Variants in CADM2 observed in about 807,000 individuals in gnomAD.
CADM2 encodes the protein cell adhesion molecule 2, also known as immunoglobulin superfamily member 4D.
CADM2 carries 12 observed loss-of-function variants against 49.8 expected under a neutral mutation model. The ratio of observed to expected loss-of-function variants is 0.24; its 90% CI spans 0.15 to 0.39. CADM2 has a LOEUF of 0.39. Ranked by LOEUF, CADM2 falls within the 10% of genes least tolerant of loss-of-function variation. The pLI, the probability that CADM2 is intolerant of heterozygous loss-of-function variation, is 1.00. For synonymous variants in CADM2, 214 were observed against 175.4 expected (o/e 1.22, Z -1.74); for missense variants, 378 against 492.3 (o/e 0.77, Z 2.20).
At chr3:85,452,236 A>C (rs1576581690) in intron 1 of CADM2, among the ~76,000 whole-genome samples, 1 of 152,202 alleles carries the variant, frequency 6.6e-6, no homozygotes, top group East Asian at 1.9e-4. Flanking sequence ...GGCATTTCGG[A>C]TTCTTTGCCC....
intron 1 of CADM2, among the ~76,000 whole-genome samples, chr3:84,964,668 T>C (rs1463360489): frequency 6.6e-6 from 1 of 152,140 alleles, no homozygotes; most frequent in Non-Finnish European, 1.5e-5. Flanking sequence ...TTGGTCTGAT[T>C]TACTCTCTTA....
At chr3:85,824,844 G>GA (rs958937261) in intron 3 of CADM2, among the ~76,000 whole-genome samples, 2 of 151,880 alleles carry the variant, frequency 1.3e-5, no homozygotes, top group African/African-American at 4.8e-5. Context: ...AGGCAGCTGT[G>GA]AAAAAACTAA....
intron 1 of CADM2, among the ~76,000 whole-genome samples, chr3:85,198,101 T>G (rs2041390209): frequency 6.6e-6 from 1 of 151,914 alleles, no homozygotes; most frequent in Non-Finnish European, 1.5e-5. Context: ...TTTAAAATAT[T>G]AGTATAGTGT....
At chr3:85,652,762 T>TTTTTC (rs56864888) in intron 1 of CADM2, among the ~76,000 whole-genome samples, 2,776 of 135,194 alleles carry the variant, frequency 0.021, 290 homozygotes, top group African/African-American at 0.083. Context: ...TGAAAATCTT[T>TTTTTC]TTTTCTTTTC....
chr3:85,160,078 G>T (rs1229892663), intron 1 of CADM2, among the ~76,000 whole-genome samples: 1 of 152,080 alleles, frequency 6.6e-6, no homozygotes, highest in South Asian at 2.1e-4. Flanking sequence ...AGGGGAGAGG[G>T]TTGGTAGCTA....
intron 1 of CADM2, among the ~76,000 whole-genome samples, chr3:85,187,975 T>C (rs2041104507): frequency 6.6e-6 from 1 of 152,054 alleles, no homozygotes; most frequent in Non-Finnish European, 1.5e-5. Flanking sequence ...TTACAGTTGA[T>C]GCTATCTTAG....
intron 1 of CADM2, among the ~76,000 whole-genome samples, chr3:85,696,946 T>C (rs2066576460): frequency 6.6e-6 from 1 of 151,768 alleles, no homozygotes; most frequent in South Asian, 2.1e-4. Flanking sequence ...CTTTAGAAAA[T>C]ATTTTCATAA....
chr3:85,422,818 G>C (rs1037152961), intron 1 of CADM2, among the ~76,000 whole-genome samples: 1 of 151,802 alleles, frequency 6.6e-6, no homozygotes, highest in Non-Finnish European at 1.5e-5. Context: ...ACAGGAGCTG[G>C]GGCGAGCGCT....
intron 1 of CADM2, among the ~76,000 whole-genome samples, chr3:85,193,292 GTCTT>G (rs1315715730): frequency 6.6e-6 from 1 of 151,900 alleles, no homozygotes; most frequent in Non-Finnish European, 1.5e-5. Context: ...CTTTATGTGT[GTCTT>G]TATGCTGATG....
At chr3:85,671,056 G>T (rs1184452811) in intron 1 of CADM2, among the ~76,000 whole-genome samples, 1 of 152,102 alleles carries the variant, frequency 6.6e-6, no homozygotes, top group Admixed American at 6.6e-5. Flanking sequence ...AGAAGACTTG[G>T]CCTTTCATAG....
intron 1 of CADM2, among the ~76,000 whole-genome samples, chr3:85,288,784 G>GTCCCCCC (rs2043698717): frequency 1.1e-5 from 1 of 88,200 alleles, no homozygotes; most frequent in Non-Finnish European, 2.6e-5. Context: ...TTACCAATAT[G>GTCCCCCC]CCCCCCCCCC....
chr3:85,631,059 A>T (rs1363932512), intron 1 of CADM2, among the ~76,000 whole-genome samples: 3 of 152,028 alleles, frequency 2.0e-5, no homozygotes, highest in Admixed American at 6.6e-5. Flanking sequence ...TTATTCCTCA[A>T]AAACATCAAA....
intron 1 of CADM2, among the ~76,000 whole-genome samples, chr3:85,396,181 A>G (rs1400100705): frequency 6.6e-6 from 1 of 151,680 alleles, no homozygotes; most frequent in Admixed American, 6.6e-5. Flanking sequence ...TAAATATTTA[A>G]CTGTTCATTT....
chr3:85,616,870 T>C (rs1227757665), intron 1 of CADM2, among the ~76,000 whole-genome samples: 1 of 152,130 alleles, frequency 6.6e-6, no homozygotes, highest in Non-Finnish European at 1.5e-5. Context: ...CTGAATCATA[T>C]AAACAGAAGA....
At position 85,979,068 on chromosome 3, in the gene CADM2, C is replaced by A. The variant is rs891149714; in HGVS notation, c.970+17421C>A. 52 of 1,355,932 alleles carry A rather than the reference C, an allele frequency of 3.8e-5. No homozygotes were observed. In the African/African-American group the frequency reaches 6.7e-4, roughly 17 times the overall value. 84.0% of individuals were successfully genotyped at this position (1,355,932 alleles called of 1,614,324 possible). On this transcript the variant is annotated intron_variant, in intron 8 of 9. Transcript: ENST00000383699. The stretch of plus-strand genomic sequence containing the variant: ...TCTGTTAAAGCTTGTTAAAGTTAAA[C>A]CTCAATAAGTTATATGTATTTATAA...
chr3:85,140,199 A>G (rs775785086), intron 1 of CADM2, among the ~76,000 whole-genome samples: 55 of 152,302 alleles, frequency 3.6e-4, no homozygotes, highest in Middle Eastern at 6.8e-3. Context: ...GATCACGTAC[A>G]GTTACTATAT....
At chr3:85,497,141 T>C (rs1205575944) in intron 1 of CADM2, among the ~76,000 whole-genome samples, 1 of 152,166 alleles carries the variant, frequency 6.6e-6, no homozygotes, top group Admixed American at 6.5e-5. Flanking sequence ...TGTCTTCTTT[T>C]GAGAAGTGTC....
intron 1 of CADM2, among the ~76,000 whole-genome samples, chr3:85,286,336 C>T (rs901804728): frequency 6.6e-6 from 1 of 152,096 alleles, no homozygotes; most frequent in African/African-American, 2.4e-5. Context: ...AGAGGGTCTC[C>T]CTAACAAAGC....
chr3:85,373,913 T>C (rs1158816568), intron 1 of CADM2, among the ~76,000 whole-genome samples: 1 of 152,112 alleles, frequency 6.6e-6, no homozygotes, highest in Non-Finnish European at 1.5e-5. Flanking sequence ...CCATTTTTTT[T>C]CCTCCTAGGC....
Sources: allele counts gnomAD v4.1 joint callset (sites outside exome capture counted in the v4.1 genomes callset), GRCh38; gene constraint gnomAD v4.1.1; transcripts MANE v1.5; gene names NCBI Gene and HGNC (gene_info 2026-07-23, HGNC 2026-07-21).